The following EXOC4 variants were observed in gnomAD, a reference collection of about 807,000 sequenced individuals.
EXOC4 encodes exocyst complex component 4.
EXOC4 carries 71 observed loss-of-function variants against 107.2 expected under a neutral mutation model. The ratio of observed to expected loss-of-function variants is 0.66; its 90% CI spans 0.55 to 0.81. The LOEUF is 0.81. Ranked by LOEUF, EXOC4 falls within the 30% of genes least tolerant of loss-of-function variation. The pLI is 0.00. For synonymous variants in EXOC4, 456 were observed against 441.2 expected, an observed-to-expected ratio of 1.03 and a Z score of -0.42; for missense variants, 1,108 against 1,189.6, an observed-to-expected ratio of 0.93 and a Z score of 1.01.
At chr7:133,618,432 A>G (rs1048979966) in intron 9 of EXOC4, among the ~76,000 whole-genome samples, 2 of 152,184 alleles carry the variant, frequency 1.3e-5, no homozygotes, top group Non-Finnish European at 2.9e-5. Context: ...ATCAAATAGT[A>G]TTCAAAATGT....
chr7:133,825,337 C>T (rs1457812119), intron 11 of EXOC4, among the ~76,000 whole-genome samples: 4 of 151,948 alleles, frequency 2.6e-5, no homozygotes, highest in Non-Finnish European at 4.4e-5. Context: ...TGCACTGCAG[C>T]CTGAATGATA....
At chr7:133,841,838 C>T (rs561380783) in intron 11 of EXOC4, among the ~76,000 whole-genome samples, 48 of 152,246 alleles carry the variant, frequency 3.2e-4, no homozygotes, top group South Asian at 1.9e-3. Flanking sequence ...AAGTAGGTCC[C>T]GGTGTCTGTT....
rs1386959992 is a variant in EXOC4, at chr7:133,524,681, A to G, written c.1417+44543A>G. Among the ~76,000 whole-genome samples the G allele has an allele frequency of 2.6e-5, 4 of 152,048 alleles. No homozygotes were observed. The East Asian group carries it at 7.7e-4, about 29-fold the overall frequency. On this transcript the variant is annotated intron_variant, in intron 9 of 17. Transcript: ENST00000253861. ...TATGGCTAGCCATTTTCCCAGCACC[A>G]TTTATTAAATAGGGAATCCTTTCCT...
At chr7:133,924,337 A>G (rs1036668134) in intron 13 of EXOC4, among the ~76,000 whole-genome samples, 1 of 151,980 alleles carries the variant, frequency 6.6e-6, no homozygotes, top group African/African-American at 2.4e-5. Context: ...TTTTTGTGTA[A>G]CTCCTTAATT....
intron 14 of EXOC4, among the ~76,000 whole-genome samples, chr7:133,994,719 A>G (rs532689621): frequency 6.6e-6 from 1 of 151,824 alleles, no homozygotes; most frequent in African/African-American, 2.4e-5. Flanking sequence ...ATAGATAAAT[A>G]TACAACAATG....
At chr7:133,302,375 G>A (rs1053305067) in intron 3 of EXOC4, among the ~76,000 whole-genome samples, 4 of 152,108 alleles carry the variant, frequency 2.6e-5, no homozygotes, top group Non-Finnish European at 5.9e-5. Flanking sequence ...ATGGTAATAG[G>A]TGTTCGGTGA....
chr7:133,547,257 G>T (rs539328444), intron 9 of EXOC4, among the ~76,000 whole-genome samples: 1 of 152,086 alleles, frequency 6.6e-6, no homozygotes, highest in Non-Finnish European at 1.5e-5. Context: ...ATAGCATTAC[G>T]TCTGAAAAAC....
At chr7:133,263,733 A>G (rs1319260748) in intron 1 of EXOC4, among the ~76,000 whole-genome samples, 1 of 151,808 alleles carries the variant, frequency 6.6e-6, no homozygotes. Context: ...AAAAATTTAT[A>G]TGTGTGTGTG....
chr7:133,517,350 C>G (rs1279313847), intron 9 of EXOC4, among the ~76,000 whole-genome samples: 1 of 151,980 alleles, frequency 6.6e-6, no homozygotes, highest in East Asian at 1.9e-4. Flanking sequence ...GAAAATGAAG[C>G]CTACAAATCT....
intron 13 of EXOC4, among the ~76,000 whole-genome samples, chr7:133,937,130 C>T (rs1201067692): frequency 1.3e-5 from 2 of 152,156 alleles, no homozygotes; most frequent in African/African-American, 4.8e-5. Context: ...TATATGATCT[C>T]AGGTCCCTTC....
At chr7:133,801,878 A>T (rs1251374482) in intron 10 of EXOC4, among the ~76,000 whole-genome samples, 1 of 152,168 alleles carries the variant, frequency 6.6e-6, no homozygotes, top group East Asian at 1.9e-4. Flanking sequence ...TCCTTTTTAT[A>T]TGTGCATTTT....
chr7:133,917,583 GGGTATT>G lies in EXOC4; in HGVS notation c.1874_1879del (p.Gly625_Ile626del). The stretch of plus-strand genomic sequence containing the variant: ...TCTCTTTTCTATTGGCTGTGTTTAG[GGGTATT>G]GTCCAGTCAGAAGAAAAACTTGTCA... On this transcript the variant is annotated inframe_deletion and splice_region_variant, in exon 13 of 18. Transcript: ENST00000253861. 1 of 1,613,626 alleles carries G rather than the reference GGGTATT, an allele frequency of 6.2e-7. No individual in the cohort carries two copies. Among genetic ancestry groups the G allele is most frequent in the South Asian group, 1.1e-5 (1 of 90,934 alleles).
At chr7:133,623,606 A>G (rs1353853386) in intron 9 of EXOC4, among the ~76,000 whole-genome samples, 1 of 152,172 alleles carries the variant, frequency 6.6e-6, no homozygotes, top group Non-Finnish European at 1.5e-5. Context: ...GTTGAGTGCA[A>G]TAGGTAATTC....
At chr7:133,473,104 C>A (rs1798922543) in intron 7 of EXOC4, among the ~76,000 whole-genome samples, 1 of 152,068 alleles carries the variant, frequency 6.6e-6, no homozygotes, top group Non-Finnish European at 1.5e-5. Context: ...ATTTGAAATT[C>A]TTTTCTGGTT....
intron 11 of EXOC4, among the ~76,000 whole-genome samples, chr7:133,872,070 G>A (rs1016388235): frequency 6.6e-6 from 1 of 152,080 alleles, no homozygotes; most frequent in Non-Finnish European, 1.5e-5. Flanking sequence ...TCACAGCAAT[G>A]GTGTGACAGT....
At chr7:134,009,565 T>G (rs1243460458) in intron 17 of EXOC4, among the ~76,000 whole-genome samples, 1 of 152,092 alleles carries the variant, frequency 6.6e-6, no homozygotes, top group African/African-American at 2.4e-5. Context: ...TAGGCTAAAT[T>G]TGATGGAAAG....
At chr7:133,375,782 T>C (rs17575985) in intron 7 of EXOC4, among the ~76,000 whole-genome samples, 23,107 of 152,108 alleles carry the variant, frequency 0.15, 2,228 homozygotes, top group South Asian at 0.25. Flanking sequence ...CTTTGCTTGA[T>C]TTGTTGAAGA....
At chr7:133,674,832 A>T (rs1274010696) in intron 10 of EXOC4, among the ~76,000 whole-genome samples, 2 of 152,208 alleles carry the variant, frequency 1.3e-5, no homozygotes, top group African/African-American at 4.8e-5. Context: ...GAAGATGAAC[A>T]CAACTTGAGT....
chr7:133,984,082 G>A (rs1794058685), intron 14 of EXOC4, among the ~76,000 whole-genome samples: 1 of 152,228 alleles, frequency 6.6e-6, no homozygotes, highest in Non-Finnish European at 1.5e-5. Flanking sequence ...TAAAAAACAT[G>A]TGTCTAGGCT....
Sources: allele counts gnomAD v4.1 joint callset (sites outside exome capture counted in the v4.1 genomes callset), GRCh38; gene constraint gnomAD v4.1.1; transcripts MANE v1.5; gene names NCBI Gene and HGNC (gene_info 2026-07-23, HGNC 2026-07-21).